The following RPH3A variants were observed in gnomAD, a reference collection of about 807,000 sequenced individuals.
RPH3A encodes the protein rabphilin 3A.
RPH3A carries 48 observed loss-of-function variants against 102.2 expected under a neutral mutation model. That is an observed-to-expected ratio of 0.47 (90% confidence interval 0.37 to 0.60). The LOEUF (loss-of-function observed/expected upper bound fraction) is 0.60, where lower values mean the gene tolerates loss of function less well. Among genes scored for constraint, RPH3A ranks in the 20% least tolerant of loss-of-function variants. The pLI is 0.00. For missense variants in RPH3A, 781 were observed against 910.1 expected, an observed-to-expected ratio of 0.86 and a Z score of 1.83; for synonymous variants, 310 against 324.3, an observed-to-expected ratio of 0.96 and a Z score of 0.47.
At chr12:112,763,562 A>G (rs2040868664) in intron 1 of RPH3A, among the ~76,000 whole-genome samples, 1 of 152,248 alleles carries the variant, frequency 6.6e-6, no homozygotes, top group Non-Finnish European at 1.5e-5. Context: ...ACCTGGAATC[A>G]ATAGAAAGAA....
chr12:112,598,644 T>C (rs968832899), intron 1 of RPH3A, among the ~76,000 whole-genome samples: 1 of 152,062 alleles, frequency 6.6e-6, no homozygotes. Context: ...GCAGGGGTCA[T>C]GAATAAGTGA....
intron 1 of RPH3A, among the ~76,000 whole-genome samples, chr12:112,575,487 C>T (rs1566213232): frequency 2.9e-5 from 4 of 137,662 alleles, no homozygotes; most frequent in East Asian, 2.2e-4. Flanking sequence ...GGGGGTGGGG[C>T]GACGAGGGAC....
At chr12:112,632,234 A>T (rs1360668822) in intron 1 of RPH3A, among the ~76,000 whole-genome samples, 1 of 152,186 alleles carries the variant, frequency 6.6e-6, no homozygotes, top group Non-Finnish European at 1.5e-5. Context: ...CTACAAGTCC[A>T]TTAAACCTCT....
intron 1 of RPH3A, among the ~76,000 whole-genome samples, chr12:112,607,806 A>AT (rs2039608176): frequency 6.6e-6 from 1 of 152,138 alleles, no homozygotes; most frequent in Non-Finnish European, 1.5e-5. Flanking sequence ...CCTTGCTGTG[A>AT]TTTTAGCCTG....
chr12:112,678,289 GAA>G (rs1491482949), intron 1 of RPH3A, among the ~76,000 whole-genome samples: 3,628 of 84,670 alleles, frequency 0.043, 558 homozygotes, highest in African/African-American at 0.074. Flanking sequence ...AAGAAAGAAA[GAA>G]AGAAAGAAAG....
intron 1 of RPH3A, among the ~76,000 whole-genome samples, chr12:112,770,887 T>G (rs2040922940): frequency 6.6e-6 from 1 of 152,090 alleles, no homozygotes; most frequent in African/African-American, 2.4e-5. Context: ...TTATTTTCAG[T>G]GAATGTGTTT....
intron 1 of RPH3A, among the ~76,000 whole-genome samples, chr12:112,674,643 A>C (rs2040160213): frequency 6.6e-6 from 1 of 152,174 alleles, no homozygotes; most frequent in Non-Finnish European, 1.5e-5. Flanking sequence ...CCTCCCCAGC[A>C]TCCAGAGGTA....
Position 112,869,948 on chromosome 12 carries a change from G to T in RPH3A, c.705G>T (p.Arg235Ser). ...GRGNYGPPVR[R>S]ASEARMSSSS... ...GAAACTATGGGCCTCCCGTGCGCAG[G>T]GCCTCCGAGGCACGAATGAGCTCAT... The change falls in exon 10 of 22, where the codon AGG becomes AGT. Residue 235 changes from arginine (R) to serine (S), a missense_variant. Around this residue, in one of 2 missense-constraint regions of RPH3A, gnomAD observed 730 missense variants for 810.0 expected, o/e 0.90. Transcript: ENST00000389385. The T allele has an allele frequency of 2.5e-6, 4 of 1,614,144 alleles. No individual in the cohort carries two copies. Among genetic ancestry groups the T allele is most frequent in the Non-Finnish European group, 3.4e-6 (4 of 1,180,038 alleles).
At chr12:112,711,456 G>T (rs2040461225) in intron 1 of RPH3A, among the ~76,000 whole-genome samples, 1 of 152,038 alleles carries the variant, frequency 6.6e-6, no homozygotes, top group South Asian at 2.1e-4. Flanking sequence ...CTGACAAAAA[G>T]TTGAAATGAT....
chr12:112,866,852 G>A lies in RPH3A; in HGVS notation c.444+12G>A. The A allele has an allele frequency of 6.3e-7, 1 of 1,597,046 alleles. No individual in the cohort carries two copies. The highest frequency in any genetic ancestry group is 8.6e-7 in the Non-Finnish European group (1 of 1,169,020). ...TTGAGCAGAGGGAGGTGAGTGCCCT[G>A]GTCCCACCTGGTGCCTAGATCACCC... is the stretch of plus-strand genomic sequence containing the variant. On this transcript the variant is annotated intron_variant, in intron 7 of 21. Transcript: ENST00000389385.
intron 10 of RPH3A, chr12:112,874,297 T>C (rs1018895586): frequency 1.3e-5 from 2 of 152,216 alleles, no homozygotes; most frequent in African/African-American, 4.8e-5. Context: ...AGAGGCCAAC[T>C]GCCAGCGTTC....
intron 2 of RPH3A, among the ~76,000 whole-genome samples, chr12:112,793,584 G>A (rs999141382): frequency 2.0e-5 from 3 of 152,216 alleles, no homozygotes; most frequent in African/African-American, 7.2e-5. Context: ...CAAAGATTTG[G>A]TTCTCAAAAT....
chr12:112,734,386 C>T (rs1654013033), intron 1 of RPH3A, among the ~76,000 whole-genome samples: 1 of 152,154 alleles, frequency 6.6e-6, no homozygotes, highest in Non-Finnish European at 1.5e-5. Context: ...GACCAAATTG[C>T]CTGAGAGCAC....
intron 1 of RPH3A, among the ~76,000 whole-genome samples, chr12:112,629,394 C>CT (rs34209596): frequency 4.6e-4 from 62 of 134,376 alleles, no homozygotes; most frequent in African/African-American, 1.5e-3. Context: ...CTGATGTTTG[C>CT]TTTTTTTTTT....
chr12:112,750,848 T>C (rs2040781456), intron 1 of RPH3A, among the ~76,000 whole-genome samples: 1 of 152,186 alleles, frequency 6.6e-6, no homozygotes, highest in African/African-American at 2.4e-5. Flanking sequence ...AGCTAGGGGT[T>C]CTGAGAAAAC....
At chr12:112,618,441 C>T (rs547709652) in intron 1 of RPH3A, among the ~76,000 whole-genome samples, 1 of 152,286 alleles carries the variant, frequency 6.6e-6, no homozygotes, top group South Asian at 2.1e-4. Context: ...GACCCTCCCC[C>T]TTAGAAGGCA....
chr12:112,577,114 T>G (rs924333030), intron 1 of RPH3A, among the ~76,000 whole-genome samples: 16 of 151,922 alleles, frequency 1.1e-4, no homozygotes, highest in South Asian at 2.1e-4. Context: ...TTGGATCTCA[T>G]GCAAAAAAAA....
chr12:112,696,890 T>G (rs1490230349), intron 1 of RPH3A, among the ~76,000 whole-genome samples: 1 of 152,104 alleles, frequency 6.6e-6, no homozygotes, highest in African/African-American at 2.4e-5. Context: ...TGTCATATGC[T>G]TTGGTCTTGT....
At chr12:112,724,305 T>C (rs2040572147) in intron 1 of RPH3A, among the ~76,000 whole-genome samples, 1 of 152,190 alleles carries the variant, frequency 6.6e-6, no homozygotes, top group African/African-American at 2.4e-5. Context: ...ACTCAAGCAA[T>C]CTTCCTGCCC....
Sources: gnomAD v4.1 joint callset for allele counts (sites outside exome capture counted in the v4.1 genomes callset) on GRCh38, gnomAD v4.1.1 for gene constraint, gnomAD v4.1.1 regional missense constraint, MANE v1.5 for transcripts, NCBI Gene and HGNC (gene_info 2026-07-23, HGNC 2026-07-21) for gene names.